The following AEN variants were observed in gnomAD, a reference collection of about 807,000 sequenced individuals.
The protein encoded by AEN is apoptosis-enhancing nuclease.
A neutral mutation model predicts 17.7 loss-of-function variants in AEN; 21 were observed. That is an observed-to-expected ratio of 1.19 (90% CI 0.84 to 1.71). The LOEUF is 1.71. Among genes scored for constraint, AEN ranks in the 40% most tolerant of loss-of-function variants. The probability of loss-of-function intolerance (pLI) is 0.00; values close to 1 mark genes in which losing one functional copy is unlikely to be tolerated. For synonymous variants in AEN, 190 were observed against 173.0 expected, an observed-to-expected ratio of 1.10 and a Z score of -0.77; for missense variants, 462 against 435.9, an observed-to-expected ratio of 1.06 and a Z score of -0.53.
upstream of AEN, among the ~76,000 whole-genome samples, chr15:88,620,975 A>G (rs962796497): frequency 7.7e-5 from 11 of 143,148 alleles, no homozygotes; most frequent in Middle Eastern, 3.4e-3. Context: ...GATGTTCCCA[A>G]TCTGCAGATG....
chr15:88,622,599 A>C (rs1374547589), intron 1 of AEN, among the ~76,000 whole-genome samples: 1 of 152,092 alleles, frequency 6.6e-6, no homozygotes, highest in Non-Finnish European at 1.5e-5. Context: ...CAGGGACTGC[A>C]TGCACCGGTA....
rs144481089 is a variant in AEN at position 88,629,431 on chromosome 15, G to A, written c.741+5G>A. The A allele has an allele frequency of 1.1e-4, 171 of 1,612,168 alleles. No homozygotes were observed. The African/African-American group carries it at 1.2e-3, about 11-fold the overall frequency. ...CTGCTGCACAAGAAGATCCAGGTGC[G>A]TGGTGGGAGAGTGGCTGGAAGGGAG... On this transcript the variant is annotated splice_donor_5th_base_variant and intron_variant, in intron 3 of 3. Transcript: ENST00000332810.
chr15:88,605,082 G>A, the AEN span: 1 of 152,442 alleles, frequency 6.6e-6, no homozygotes, highest in Non-Finnish European at 1.5e-5. The surrounding 1 kb of genome is among the most constrained non-coding windows in gnomAD (Gnocchi z 7.6). Flanking sequence ...GGAGAAGCGA[G>A]CGGCCAGGCT....
upstream of AEN, among the ~76,000 whole-genome samples, chr15:88,617,346 G>A (rs148658363): frequency 6.6e-6 from 1 of 152,028 alleles, no homozygotes; most frequent in African/African-American, 2.4e-5. Flanking sequence ...CTCTATCTCC[G>A]GGGTGCAGGA....
At chr15:88,614,864 C>CTTT in the AEN span, among the ~76,000 whole-genome samples, 2 of 148,342 alleles carry the variant, frequency 1.3e-5, no homozygotes, top group African/African-American at 2.5e-5. Flanking sequence ...GTCTGTGGTG[C>CTTT]TTTTTTGTTG....
upstream of AEN, among the ~76,000 whole-genome samples, chr15:88,616,773 C>CA (rs1598383920): frequency 1.3e-5 from 2 of 152,144 alleles, no homozygotes; most frequent in East Asian, 3.8e-4. Flanking sequence ...TTTTTATTTT[C>CA]AGTACAGTCG....
At chr15:88,613,229 C>T in the AEN span, among the ~76,000 whole-genome samples, 1 of 152,146 alleles carries the variant, frequency 6.6e-6, no homozygotes, top group Non-Finnish European at 1.5e-5. Context: ...CAAGTCAGCC[C>T]TTCACTTCTA....
chr15:88,629,266 C>T lies in AEN; in HGVS notation c.581C>T (p.Ala194Val), dbSNP rs752970229. 6.2e-6 allele frequency: 10 copies of T among 1,614,016 alleles called. No homozygotes were observed. The highest frequency in any genetic ancestry group is 2.2e-5 in the East Asian group (1 of 44,892). Reference sequence around the variant, plus strand: ...AAGGGCAAGGTGGTGGTGGGGCACGCGCTGCACAACGACTTCCAGGCGCTC... The same window carrying T: ...AAGGGCAAGGTGGTGGTGGGGCACGTGCTGCACAACGACTTCCAGGCGCTC... Reference protein sequence around the residue: ...LLKGKVVVGHALHNDFQALKY... With the variant: ...LLKGKVVVGHVLHNDFQALKY... The change falls in exon 3 of 4, where the codon GCG becomes GTG. Residue 194 changes from alanine (A) to valine (V), a missense_variant. Physicochemically the swap from Ala to Val is moderately conservative, Grantham distance 64 (BLOSUM62 0). Coordinates refer to ENST00000332810, the MANE Select transcript of AEN (RefSeq NM_022767.4).
rs768958876 is a variant in AEN at position 88,630,050 on chromosome 15, G to A, written c.742-8G>A. The A allele has an allele frequency of 3.7e-5, 59 of 1,613,698 alleles. No homozygotes were observed. Among genetic ancestry groups the A allele is most frequent in the Middle Eastern group, 3.3e-4 (2 of 6,084 alleles). On this transcript the variant is annotated splice_polypyrimidine_tract_variant and splice_region_variant and intron_variant, in intron 3 of 3. Coordinates refer to ENST00000332810, the MANE Select transcript of AEN (RefSeq NM_022767.4). This position sits in a 1 kb window ranked among gnomAD's most constrained non-coding sequence, Gnocchi z 5.1. Reference sequence around the variant, plus strand: ...TGCAGGCAGTGATGTGTTGGCTCTCGTCAGTAGGTGGGCCAGCACGGGCAC... The same window carrying A: ...TGCAGGCAGTGATGTGTTGGCTCTCATCAGTAGGTGGGCCAGCACGGGCAC...
At chr15:88,626,021 C>G in intron 1 of AEN, 125 bp from the exon 2 acceptor site, 1 of 598,590 alleles carries the variant, frequency 1.7e-6, no homozygotes, top group South Asian at 2.7e-5. Context: ...AATCTGGGAG[C>G]CACGAGCTAC....
the AEN span, among the ~76,000 whole-genome samples, chr15:88,606,653 G>T: frequency 6.6e-6 from 1 of 152,224 alleles, no homozygotes; most frequent in Non-Finnish European, 1.5e-5. Context: ...TGAGCACCTT[G>T]ACTATTTAAA....
intron 1 of AEN, among the ~76,000 whole-genome samples, chr15:88,622,372 G>C (rs536511633): frequency 6.6e-6 from 1 of 152,322 alleles, no homozygotes; most frequent in East Asian, 1.9e-4. Context: ...ATGACTGTTG[G>C]TTTTGACGTG....
chr15:88,608,688 A>G, the AEN span, among the ~76,000 whole-genome samples: 56 of 152,174 alleles, frequency 3.7e-4, no homozygotes, highest in Non-Finnish European at 2.2e-4. Flanking sequence ...CTTCACTTTG[A>G]TTTTTATTTG....
the AEN span, among the ~76,000 whole-genome samples, chr15:88,615,048 G>C: frequency 6.6e-6 from 1 of 151,506 alleles, no homozygotes; most frequent in Non-Finnish European, 1.5e-5. Context: ...TGTATTTTTA[G>C]TAGAGAAAGG....
chr15:88,610,862 G>A, the AEN span, among the ~76,000 whole-genome samples: 2 of 152,200 alleles, frequency 1.3e-5, no homozygotes, highest in Non-Finnish European at 2.9e-5. Context: ...ATTAAGGAGC[G>A]GATGTGTCCT....
At chr15:88,618,180 T>G (rs2057754261), upstream of AEN, among the ~76,000 whole-genome samples, 1 of 152,226 alleles carries the variant, frequency 6.6e-6, no homozygotes, top group South Asian at 2.1e-4. Context: ...AAATCATCCT[T>G]TTAAATAAAA....
At chr15:88,625,700 A>G (rs1012988135) in intron 1 of AEN, among the ~76,000 whole-genome samples, 3 of 152,180 alleles carry the variant, frequency 2.0e-5, no homozygotes, top group African/African-American at 7.2e-5. Context: ...TCCTATAACC[A>G]TACCTCTGTC....
chr15:88,621,471 GC>G, intron 1 of AEN, 89 bp downstream of exon 1: 1 of 152,604 alleles, frequency 6.6e-6, no homozygotes, highest in Non-Finnish European at 1.5e-5. Context: ...CGTTGTTTCC[GC>G]CCCGGCCTGC....
chr15:88,616,077 T>C, the AEN span, among the ~76,000 whole-genome samples: 1 of 148,526 alleles, frequency 6.7e-6, no homozygotes, highest in Non-Finnish European at 1.5e-5. Context: ...GCCCTCGTCT[T>C]TGTGGAAGGA....
Sources: allele counts gnomAD v4.1 joint callset (sites outside exome capture counted in the v4.1 genomes callset), GRCh38; gene constraint gnomAD v4.1.1; non-coding constraint Gnocchi (gnomAD v3.1); transcripts MANE v1.5; gene names NCBI Gene and HGNC (gene_info 2026-07-23, HGNC 2026-07-21).